CHODL: variants seen among roughly 807,000 people sequenced by gnomAD.
CHODL encodes the protein transmembrane protein MT75.
Under a neutral mutation model 34.5 loss-of-function variants are expected in CHODL, and 29 were observed. The observed-to-expected ratio is 0.84, with a 90% CI of 0.63 to 1.15. The LOEUF (loss-of-function observed/expected upper bound fraction) is 1.15, where lower values mean the gene tolerates loss of function less well. Among genes scored for constraint, CHODL ranks in the 50% most tolerant of loss-of-function variants. The probability of loss-of-function intolerance (pLI) is 0.00; values close to 1 mark genes in which losing one functional copy is unlikely to be tolerated. For synonymous variants in CHODL, 125 were observed against 116.1 expected, an observed-to-expected ratio of 1.08 and a Z score of -0.49; for missense variants, 332 against 332.5, an observed-to-expected ratio of 1.00 and a Z score of 0.01.
chr21:18,063,821 T>G (rs2064697849), intron 2 of CHODL, among the ~76,000 whole-genome samples: 3 of 152,176 alleles, frequency 2.0e-5, no homozygotes, highest in South Asian at 4.1e-4. Context: ...AATGCCAAAC[T>G]TAGCTGGTAT....
intron 2 of CHODL, among the ~76,000 whole-genome samples, chr21:18,029,272 G>A (rs1048966322): frequency 2.0e-5 from 3 of 152,088 alleles, no homozygotes; most frequent in African/African-American, 2.4e-5. Flanking sequence ...TATTGATGTG[G>A]GGGATGTACA....
rs187626186 is a variant in CHODL, at chr21:18,032,609, C to A, written c.-45+4638C>A. On this transcript the variant is annotated intron_variant, in intron 2 of 6. Transcript: ENST00000400127. ...CAGGTGGTTACCTGAAATGAAACTT[C>A]TGTTTCAAATGTGATCCCCTTACTG... Among the ~76,000 whole-genome samples, 5 of 152,180 alleles carry A rather than the reference C, an allele frequency of 3.3e-5. No homozygotes were observed. The East Asian group carries it at 9.7e-4, about 30-fold the overall frequency.
At chr21:18,234,363 T>C (rs1160968944) in intron 2 of CHODL, among the ~76,000 whole-genome samples, 1 of 152,062 alleles carries the variant, frequency 6.6e-6, no homozygotes, top group Admixed American at 6.6e-5. Context: ...TTTCTTGCCC[T>C]CTACTGGCCG....
At chr21:18,121,992 T>C (rs1306760434) in intron 2 of CHODL, among the ~76,000 whole-genome samples, 2 of 152,204 alleles carry the variant, frequency 1.3e-5, no homozygotes, top group African/African-American at 4.8e-5. Flanking sequence ...TATTTATCTA[T>C]CTATCCATAT....
rs1352555806 is a variant in CHODL, at chr21:18,104,779, CAT to C, written c.-45+76809_-45+76810del. ...GCTCTTCCTAATGATTCCAGCAACACATGTTTAAATTCTGTTTTGTGTGTCCT... is the reference window on the plus strand; with the variant it reads ...GCTCTTCCTAATGATTCCAGCAACACGTTTAAATTCTGTTTTGTGTGTCCT... On this transcript the variant is annotated intron_variant, in intron 2 of 6. Coordinates refer to the CHODL transcript ENST00000400127. Among the ~76,000 whole-genome samples the C allele has an allele frequency of 3.3e-5, 5 of 152,328 alleles. 1 individual carries two copies. In the East Asian group the frequency reaches 5.8e-4, roughly 18 times the overall value.
chr21:18,028,487 AG>A (rs1051105216), intron 2 of CHODL, among the ~76,000 whole-genome samples: 1 of 151,908 alleles, frequency 6.6e-6, no homozygotes, highest in Admixed American at 6.6e-5. Flanking sequence ...ACCTGAGGTC[AG>A]GAGTTCAAGA....
chr21:18,145,822 G>C lies in CHODL; in HGVS notation c.-44-110687G>C, dbSNP rs562388341. Among the ~76,000 whole-genome samples the C allele has an allele frequency of 6.3e-4, 96 of 152,324 alleles. 1 individual carries two copies. The South Asian group carries it at 0.018, about 28-fold the overall frequency. The stretch of plus-strand genomic sequence containing the variant: ...TTCACTGATGACTGGGAAAGATTCA[G>C]ATCTTTTACATAGATGCATGTATAT... On this transcript the variant is annotated intron_variant, in intron 2 of 6. Coordinates refer to the CHODL transcript ENST00000400127.
chr21:18,129,069 C>G (rs1342352037), intron 2 of CHODL, among the ~76,000 whole-genome samples: 1 of 151,382 alleles, frequency 6.6e-6, no homozygotes, highest in East Asian at 2.0e-4. Context: ...TTTTAAAAAC[C>G]TATTTTATAT....
chr21:18,049,214 C>T (rs768671757), intron 2 of CHODL, among the ~76,000 whole-genome samples: 1 of 151,866 alleles, frequency 6.6e-6, no homozygotes, highest in Admixed American at 6.6e-5. Flanking sequence ...GCTGTGAATG[C>T]GTTACTGAAG....
rs1483932427 is a variant in CHODL, at chr21:17,965,669, G to A, written c.-145+48269G>A. 3.9e-5 allele frequency among the ~76,000 whole-genome samples: 6 copies of A among 152,188 alleles called. No individual in the cohort carries two copies. In the South Asian group the frequency reaches 6.2e-4, roughly 16 times the overall value. The stretch of plus-strand genomic sequence containing the variant: ...GTCACTTTCTTCTGCTAGATTGTGA[G>A]TTTCTTGAGCAGAGGGTCCACATTT... On this transcript the variant is annotated intron_variant, in intron 1 of 6. Transcript: ENST00000400127.
chr21:17,995,939 T>A (rs1293738514), intron 1 of CHODL, among the ~76,000 whole-genome samples: 1 of 152,246 alleles, frequency 6.6e-6, no homozygotes, highest in Non-Finnish European at 1.5e-5. Context: ...CATTTTGTAT[T>A]CTGGCTAAAC....
At chr21:18,265,702 A>G (rs920334127) in intron 5 of CHODL, among the ~76,000 whole-genome samples, 3 of 152,160 alleles carry the variant, frequency 2.0e-5, no homozygotes, top group African/African-American at 7.2e-5. Flanking sequence ...AACAGCAACA[A>G]CAAAAATGAA....
chr21:18,086,405 G>C (rs1488499141), intron 2 of CHODL, among the ~76,000 whole-genome samples: 1 of 151,722 alleles, frequency 6.6e-6, no homozygotes, highest in African/African-American at 2.4e-5. Flanking sequence ...GTAGTCCTTT[G>C]GTAGTGTCAT....
At chr21:17,923,726 A>G (rs1008667409) in intron 1 of CHODL, among the ~76,000 whole-genome samples, 17 of 152,032 alleles carry the variant, frequency 1.1e-4, no homozygotes, top group Non-Finnish European at 1.2e-4. Context: ...CTCCCAAAGT[A>G]CTGGGATTAC....
Position 18,079,103 on chromosome 21 carries a change from G to A in CHODL, c.-45+51132G>A, listed in dbSNP as rs574737479. Among the ~76,000 whole-genome samples the A allele has an allele frequency of 1.4e-4, 22 of 152,140 alleles. 1 individual carries two copies. In the South Asian group the frequency reaches 3.9e-3, roughly 27 times the overall value. ...AAATAGTGAATATTGTACCCAATAG[G>A]TATTTATTTTAACCCTCATTTCCCT... On this transcript the variant is annotated intron_variant, in intron 2 of 6. Coordinates refer to the CHODL transcript ENST00000400127.
At chr21:17,980,199 A>G (rs2063703133) in intron 1 of CHODL, among the ~76,000 whole-genome samples, 1 of 151,308 alleles carries the variant, frequency 6.6e-6, no homozygotes, top group Non-Finnish European at 1.5e-5. Flanking sequence ...GTTGAAATGG[A>G]TCCAGTTTCT....
Position 18,251,734 on chromosome 21 carries a change from T to TTATTTATTTATTTTAATATATAAAATAAA in CHODL, c.80-4766_80-4765insATTTTAATATATAAAATAAATATTTATTT. On this transcript the variant is annotated intron_variant, in intron 1 of 5. Transcript: ENST00000299295. ...TTAATATATAAAATAAATATTTATT[T>TTATTTATTTATTTTAATATATAAAATAAA]TATTTATTTTATTTATTTATTTTAA... 1.2e-4 allele frequency among the ~76,000 whole-genome samples: 14 copies of TTATTTATTTATTTTAATATATAAAATAAA among 115,202 alleles called. 1 individual carries two copies. Among genetic ancestry groups the TTATTTATTTATTTTAATATATAAAATAAA allele is most frequent in the African/African-American group, 4.8e-4 (12 of 25,096 alleles). The allele number at this position is 115,202 out of a possible 152,430, so 75.6% of individuals were successfully genotyped here.
At chr21:18,040,431 T>C (rs1158474482) in intron 2 of CHODL, among the ~76,000 whole-genome samples, 2 of 151,920 alleles carry the variant, frequency 1.3e-5, no homozygotes, top group Admixed American at 6.6e-5. Context: ...ATTAGTATTT[T>C]TGGCTTTAAT....
chr21:18,189,073 C>T (rs1248866911), intron 2 of CHODL, among the ~76,000 whole-genome samples: 2 of 152,144 alleles, frequency 1.3e-5, no homozygotes, highest in African/African-American at 4.8e-5. Flanking sequence ...GTCAGGCATA[C>T]AAGTGTGAGG....
Sources: gnomAD v4.1 joint callset for allele counts (sites outside exome capture counted in the v4.1 genomes callset) on GRCh38, gnomAD v4.1.1 for gene constraint, MANE v1.5 for transcripts, NCBI Gene and HGNC (gene_info 2026-07-23, HGNC 2026-07-21) for gene names.